Variants in KIAA1217 observed in about 807,000 individuals in gnomAD.
The protein encoded by KIAA1217 is sickle tail protein homolog.
Under a neutral mutation model 163.9 loss-of-function variants are expected in KIAA1217, and 88 were observed. The ratio of observed to expected loss-of-function variants is 0.54; its 90% CI spans 0.45 to 0.64. KIAA1217 has a LOEUF of 0.64. Ranked by LOEUF, KIAA1217 falls within the 30% of genes least tolerant of loss-of-function variation. The pLI, the probability that KIAA1217 is intolerant of heterozygous loss-of-function variation, is 0.00. For synonymous variants in KIAA1217, 903 were observed against 923.1 expected, an observed-to-expected ratio of 0.98 and a Z score of 0.39; for missense variants, 2,372 against 2,475.0, an observed-to-expected ratio of 0.96 and a Z score of 0.88.
intron 1 of KIAA1217, among the ~76,000 whole-genome samples, chr10:23,878,801 T>C (rs1840823247): frequency 6.6e-6 from 1 of 151,824 alleles, no homozygotes; most frequent in Admixed American, 6.6e-5. Flanking sequence ...AGTGACAGGT[T>C]CTCAAACTAT....
chr10:24,109,184 C>T (rs2062746207), intron 2 of KIAA1217, among the ~76,000 whole-genome samples: 1 of 152,098 alleles, frequency 6.6e-6, no homozygotes, highest in South Asian at 2.1e-4. Flanking sequence ...CACTAATGAT[C>T]AGAGAGATGG....
intron 2 of KIAA1217, among the ~76,000 whole-genome samples, chr10:24,088,199 C>T (rs1373126881): frequency 8.5e-6 from 1 of 117,414 alleles, no homozygotes; most frequent in Non-Finnish European, 2.1e-5. Flanking sequence ...TCTCCTCTGC[C>T]CAGGCTCAAG....
intron 1 of KIAA1217, among the ~76,000 whole-genome samples, chr10:23,902,230 G>A (rs1308865809): frequency 6.6e-6 from 1 of 152,034 alleles, no homozygotes; most frequent in African/African-American, 2.4e-5. Flanking sequence ...GAAAATGGAT[G>A]GTGCTGGTGG....
chr10:24,307,254 G>T (rs1294394734), intron 2 of KIAA1217, among the ~76,000 whole-genome samples: 1 of 152,162 alleles, frequency 6.6e-6, no homozygotes, highest in Non-Finnish European at 1.5e-5. Context: ...TTAGCTCCGG[G>T]TTGAGCTCCT....
chr10:23,824,316 T>G (rs1260398642), intron 1 of KIAA1217, among the ~76,000 whole-genome samples: 2 of 151,010 alleles, frequency 1.3e-5, no homozygotes, highest in Non-Finnish European at 3.0e-5. Flanking sequence ...GGACATTGTA[T>G]AAAGGCTAAG....
At chr10:24,099,715 A>C (rs1161758392) in intron 2 of KIAA1217, among the ~76,000 whole-genome samples, 1 of 143,184 alleles carries the variant, frequency 7.0e-6, no homozygotes, top group Non-Finnish European at 1.5e-5. Context: ...CATTAGGTAT[A>C]TCTCCTAATG....
intron 2 of KIAA1217, among the ~76,000 whole-genome samples, chr10:24,134,261 T>C (rs1252640956): frequency 6.6e-6 from 1 of 152,156 alleles, no homozygotes. Flanking sequence ...TAAGGGCATT[T>C]TAGCAGAGCA....
intron 2 of KIAA1217, among the ~76,000 whole-genome samples, chr10:24,330,946 T>C (rs1265390736): frequency 2.6e-5 from 4 of 151,968 alleles, no homozygotes. Flanking sequence ...TATATATTTT[T>C]TTATTTTTAT....
intron 2 of KIAA1217, among the ~76,000 whole-genome samples, chr10:24,348,331 C>T (rs933142267): frequency 2.7e-5 from 2 of 73,504 alleles, no homozygotes; most frequent in African/African-American, 1.0e-4. Context: ...GAGTGAGACC[C>T]TGTCACAAAA....
intron 6 of KIAA1217, among the ~76,000 whole-genome samples, chr10:24,483,352 T>A (rs1308947368): frequency 6.6e-6 from 1 of 152,112 alleles, no homozygotes; most frequent in East Asian, 1.9e-4. Context: ...GTCTCCCCAC[T>A]CAGTCCCTGC....
At chr10:24,323,235 T>A (rs2044407137) in intron 2 of KIAA1217, among the ~76,000 whole-genome samples, 1 of 152,220 alleles carries the variant, frequency 6.6e-6, no homozygotes, top group East Asian at 1.9e-4. Context: ...TTTATTTGTG[T>A]ACCTGGCTTC....
chr10:24,406,832 A>G (rs1369001597), intron 3 of KIAA1217, among the ~76,000 whole-genome samples: 1 of 152,220 alleles, frequency 6.6e-6, no homozygotes, highest in Non-Finnish European at 1.5e-5. Flanking sequence ...GTAAACCCAA[A>G]CACAGCATTA....
At chr10:23,997,430 A>G (rs1374749275) in intron 1 of KIAA1217, among the ~76,000 whole-genome samples, 9 of 152,178 alleles carry the variant, frequency 5.9e-5, no homozygotes, top group African/African-American at 1.7e-4. Flanking sequence ...GCTAACTCAC[A>G]TTTGATGGGA....
At chr10:24,267,064 C>A (rs1590373721) in intron 2 of KIAA1217, among the ~76,000 whole-genome samples, 1 of 152,088 alleles carries the variant, frequency 6.6e-6, no homozygotes, top group African/African-American at 2.4e-5. Context: ...CAAACACCTG[C>A]CAAGATAGTA....
rs754969315 is a variant in KIAA1217 at position 23,918,867 on chromosome 10, C to T, written c.-320-88358C>T. ...AGATGCCAAGACAATTGTCTTTGCA[C>T]CTCCAGGGCTGCTACAGAGTCAGAG... On this transcript the variant is annotated intron_variant, in intron 1 of 18. Coordinates refer to the KIAA1217 transcript ENST00000376462. Among the ~76,000 whole-genome samples, 50 of 152,058 alleles carry T rather than the reference C, an allele frequency of 3.3e-4. 1 individual carries two copies. The highest frequency in any genetic ancestry group is 3.2e-3 in the Middle Eastern group (1 of 316).
chr10:24,033,971 A>G (rs1262435298), intron 2 of KIAA1217, among the ~76,000 whole-genome samples: 1 of 152,242 alleles, frequency 6.6e-6, no homozygotes, highest in African/African-American at 2.4e-5. Context: ...TTCTGCTAGG[A>G]TATCAAGGCA....
At chr10:23,779,680 A>G (rs1835168521) in intron 1 of KIAA1217, among the ~76,000 whole-genome samples, 1 of 152,084 alleles carries the variant, frequency 6.6e-6, no homozygotes, top group African/African-American at 2.4e-5. Flanking sequence ...GCTTTCTAGG[A>G]TTTTCAATAG....
At chr10:24,463,223 T>G (rs558035804) in intron 5 of KIAA1217, among the ~76,000 whole-genome samples, 2 of 152,324 alleles carry the variant, frequency 1.3e-5, no homozygotes, top group South Asian at 4.1e-4. Flanking sequence ...AGCGAAATGA[T>G]TTATTTAACA....
Position 24,177,022 on chromosome 10 carries a change from C to T in KIAA1217, c.-170-42604C>T, listed in dbSNP as rs369361348. 3.3e-4 allele frequency among the ~76,000 whole-genome samples: 50 copies of T among 151,856 alleles called. No homozygotes were observed. The East Asian group carries it at 5.7e-3, about 17-fold the overall frequency. On this transcript the variant is annotated intron_variant, in intron 2 of 18. Transcript: ENST00000376462. ...TGGTGCCAGCTGGCTGCTCCGAGTGCGGGGCCTGCTGAGCCTGTGCCCACC... is the reference window on the plus strand; with the variant it reads ...TGGTGCCAGCTGGCTGCTCCGAGTGTGGGGCCTGCTGAGCCTGTGCCCACC...
Sources: gnomAD v4.1 joint callset for allele counts (sites outside exome capture counted in the v4.1 genomes callset) on GRCh38, gnomAD v4.1.1 for gene constraint, MANE v1.5 for transcripts, NCBI Gene and HGNC (gene_info 2026-07-23, HGNC 2026-07-21) for gene names.